Variants in SLC24A4 observed in about 807,000 individuals in gnomAD.
SLC24A4 encodes the protein sodium/potassium/calcium exchanger 4.
Under a neutral mutation model 79.0 loss-of-function variants are expected in SLC24A4, and 53 were observed. The ratio of observed to expected loss-of-function variants is 0.67; its 90% confidence interval spans 0.54 to 0.84. The LOEUF (loss-of-function observed/expected upper bound fraction) is 0.84, where lower values mean the gene tolerates loss of function less well. Among genes scored for constraint, SLC24A4 ranks in the 40% least tolerant of loss-of-function variants. SLC24A4 has a pLI of 0.00. For missense variants in SLC24A4, 731 were observed against 822.0 expected, an observed-to-expected ratio of 0.89 and a Z score of 1.35; for synonymous variants, 323 against 323.8, an observed-to-expected ratio of 1.00 and a Z score of 0.03.
At chr14:92,360,856 T>C (rs990961690) in intron 2 of SLC24A4, among the ~76,000 whole-genome samples, 15 of 152,224 alleles carry the variant, frequency 9.9e-5, no homozygotes, top group African/African-American at 3.6e-4. Flanking sequence ...CGGAGGCTCC[T>C]CTCAGGGTTT....
At chr14:92,471,702 T>A (rs1473301357) in intron 12 of SLC24A4, among the ~76,000 whole-genome samples, 1 of 152,132 alleles carries the variant, frequency 6.6e-6, no homozygotes, top group Non-Finnish European at 1.5e-5. Context: ...TTAGCCAAGC[T>A]TGACTCTCAT....
chr14:92,416,212 C>T (rs375083803), intron 2 of SLC24A4, among the ~76,000 whole-genome samples: 5 of 151,926 alleles, frequency 3.3e-5, no homozygotes, highest in Middle Eastern at 3.4e-3. Context: ...TGAGGCCTAA[C>T]GTGCCGGGTG....
intron 2 of SLC24A4, among the ~76,000 whole-genome samples, chr14:92,326,862 C>T (rs77004437): frequency 0.065 from 9,824 of 152,164 alleles, 398 homozygotes; most frequent in Middle Eastern, 0.13. Context: ...GTTTTCTCAC[C>T]TGTAAATGGG....
At chr14:92,413,308 AT>A (rs1028882361) in intron 2 of SLC24A4, among the ~76,000 whole-genome samples, 1 of 152,078 alleles carries the variant, frequency 6.6e-6, no homozygotes, top group African/African-American at 2.4e-5. Flanking sequence ...CCTGCCCAGA[AT>A]TCCCAGTCTC....
In SLC24A4 at chr14:92,497,541, A is replaced by C. The variant is rs1364479463; in HGVS notation, c.*3913A>C. The C allele has an allele frequency of 6.6e-6, 1 of 152,242 alleles. No homozygotes were observed. Among genetic ancestry groups the C allele is most frequent in the African/African-American group, 2.4e-5 (1 of 41,422 alleles). 9.4% of individuals were successfully genotyped at this position (152,242 alleles called of 1,614,324 possible). Reference sequence around the variant, plus strand: ...GAGGGACAGGAGAGGATCAGAGTTCATCCCCCCTGGGAAAGAGCAAGAGCG... The same window carrying C: ...GAGGGACAGGAGAGGATCAGAGTTCCTCCCCCCTGGGAAAGAGCAAGAGCG... On this transcript the variant is annotated 3_prime_UTR_variant, in exon 17 of 17. Transcript: ENST00000532405.
Position 92,490,209 on chromosome 14 carries a change from C to A in SLC24A4, c.1538-1456C>A, listed in dbSNP as rs528934470. On this transcript the variant is annotated intron_variant, in intron 14 of 16. Transcript: ENST00000532405. This position sits in a 1 kb window ranked among gnomAD's most constrained non-coding sequence, Gnocchi z 4.3. ...GCAATGTTGTGGTTCTAGGCATGTGCGTTTCAGGTTTGTTCATTCCAAAAA... is the reference window on the plus strand; with the variant it reads ...GCAATGTTGTGGTTCTAGGCATGTGAGTTTCAGGTTTGTTCATTCCAAAAA... Among the ~76,000 whole-genome samples the A allele has an allele frequency of 1.3e-5, 2 of 152,286 alleles. No individual in the cohort carries two copies. Among genetic ancestry groups the A allele is most frequent in the Non-Finnish European group, 2.9e-5 (2 of 68,038 alleles).
chr14:92,359,395 G>A (rs1436135102), intron 2 of SLC24A4, among the ~76,000 whole-genome samples: 1 of 152,064 alleles, frequency 6.6e-6, no homozygotes, highest in Non-Finnish European at 1.5e-5. Flanking sequence ...CCAACATGGT[G>A]AAACCCTATC....
intron 4 of SLC24A4, among the ~76,000 whole-genome samples, chr14:92,440,353 A>G (rs61977291): frequency 0.067 from 10,235 of 152,238 alleles, 453 homozygotes; most frequent in East Asian, 0.1. Context: ...CAGAGTCCAG[A>G]AATGCCCACT....
intron 2 of SLC24A4, among the ~76,000 whole-genome samples, chr14:92,421,770 G>A (rs1177917318): frequency 6.6e-6 from 1 of 152,078 alleles, no homozygotes; most frequent in Admixed American, 6.5e-5. Context: ...GCCTCCCAAA[G>A]TGGTAGAATT....
intron 3 of SLC24A4, among the ~76,000 whole-genome samples, chr14:92,434,864 C>G (rs181194396): frequency 6.6e-6 from 1 of 152,300 alleles, no homozygotes; most frequent in East Asian, 1.9e-4. Flanking sequence ...ACCTCTGCCT[C>G]CTGGGTTCAA....
intron 2 of SLC24A4, among the ~76,000 whole-genome samples, chr14:92,359,768 A>T (rs75924474): frequency 0.11 from 16,956 of 152,222 alleles, 1,206 homozygotes; most frequent in Non-Finnish European, 0.15. Context: ...CCTGCAAATC[A>T]CACCCCTCCG....
intron 2 of SLC24A4, among the ~76,000 whole-genome samples, chr14:92,411,923 T>A (rs1890737562): frequency 1.3e-5 from 2 of 151,822 alleles, no homozygotes; most frequent in Non-Finnish European, 2.9e-5. Flanking sequence ...GGACTTCTGG[T>A]TGCAAGTGAC....
intron 12 of SLC24A4, among the ~76,000 whole-genome samples, chr14:92,474,657 G>T (rs1464744218): frequency 1.9e-3 from 3 of 1,548 alleles, no homozygotes; most frequent in Admixed American, 6.4e-3. Context: ...GCTAATTTTT[G>T]TGTGTGTGTG....
Position 92,447,127 on chromosome 14 carries a change from C to T in SLC24A4, c.684-244C>T, listed in dbSNP as rs186062964. On this transcript the variant is annotated intron_variant, in intron 8 of 16. Coordinates refer to ENST00000532405, the MANE Select transcript of SLC24A4 (RefSeq NM_153646.4). ...GAAGCTGAGGGAACCCCACCTCTGTCCTGCAGACCTCTATAGTTGAGAAGA... is the reference window on the plus strand; with the variant it reads ...GAAGCTGAGGGAACCCCACCTCTGTTCTGCAGACCTCTATAGTTGAGAAGA... 1.5e-3 allele frequency among the ~76,000 whole-genome samples: 224 copies of T among 152,326 alleles called. 1 individual carries two copies. Among genetic ancestry groups the T allele is most frequent in the Non-Finnish European group, 2.6e-3 (178 of 68,026 alleles).
chr14:92,326,035 A>G, intron 2 of SLC24A4, 57 bp downstream of exon 2: 1 of 1,247,252 alleles, frequency 8.0e-7, no homozygotes, highest in Non-Finnish European at 1.2e-6. Flanking sequence ...TGGCCTGGAG[A>G]TGGCGCTTAT....
intron 2 of SLC24A4, among the ~76,000 whole-genome samples, chr14:92,365,722 A>G (rs1336394053): frequency 6.6e-6 from 1 of 152,132 alleles, no homozygotes; most frequent in Non-Finnish European, 1.5e-5. Context: ...ACTTATGTTC[A>G]TTTTTGACCT....
Position 92,441,528 on chromosome 14 carries a change from T to C in SLC24A4, c.394-561T>C, listed in dbSNP as rs1021420728. 6.6e-6 allele frequency among the ~76,000 whole-genome samples: 1 copy of C among 152,168 alleles called. No individual in the cohort carries two copies. The highest frequency in any genetic ancestry group is 1.5e-5 in the Non-Finnish European group (1 of 68,028). On this transcript the variant is annotated intron_variant, in intron 4 of 16. Coordinates refer to ENST00000532405, the MANE Select transcript of SLC24A4 (RefSeq NM_153646.4). This position sits in a 1 kb window ranked among gnomAD's most constrained non-coding sequence, Gnocchi z 4.6. ...AGGCCAGAGGCCTCCAGATCCACAA[T>C]GCTGACATTCTCATTGAGGCCCCCA...
intron 2 of SLC24A4, among the ~76,000 whole-genome samples, chr14:92,405,660 A>G (rs575740784): frequency 4.6e-5 from 7 of 152,316 alleles, no homozygotes; most frequent in Admixed American, 1.3e-4. Context: ...ACCATGGTAG[A>G]GCAGGAGAGA....
chr14:92,338,788 C>T (rs1566695513), intron 2 of SLC24A4, among the ~76,000 whole-genome samples: 3 of 152,214 alleles, frequency 2.0e-5, no homozygotes, highest in Admixed American at 2.0e-4. Context: ...GAAAGCCATC[C>T]TTGGGTTTAG....
Sources: allele counts gnomAD v4.1 joint callset (sites outside exome capture counted in the v4.1 genomes callset), GRCh38; gene constraint gnomAD v4.1.1; non-coding constraint Gnocchi (gnomAD v3.1); transcripts MANE v1.5; gene names NCBI Gene and HGNC (gene_info 2026-07-23, HGNC 2026-07-21).